The following ELP3 variants were observed in gnomAD, a reference collection of about 807,000 sequenced individuals.
ELP3 encodes the protein elongator acetyltransferase complex subunit 3.
In ELP3, 56 loss-of-function variants were observed where a neutral mutation model predicts 74.9. The observed-to-expected ratio is 0.75, with a 90% CI of 0.60 to 0.93. The LOEUF is 0.93. Among genes scored for constraint, ELP3 ranks in the 40% least tolerant of loss-of-function variants. The pLI is 0.00. For missense variants in ELP3, 573 were observed against 686.5 expected (o/e 0.83, Z 1.85); for synonymous variants, 222 against 239.8 (o/e 0.93, Z 0.68).
At chr8:28,092,430 T>C (rs1811078432), upstream of ELP3, among the ~76,000 whole-genome samples, 1 of 152,218 alleles carries the variant, frequency 6.6e-6, no homozygotes, top group Admixed American at 6.5e-5. Flanking sequence ...GGTTTCACCA[T>C]GTTGACCAGG....
chr8:28,139,694 C>A (rs546759536), intron 10 of ELP3, among the ~76,000 whole-genome samples: 31 of 152,282 alleles, frequency 2.0e-4, no homozygotes, highest in Non-Finnish European at 2.8e-4. Flanking sequence ...CCTGCAATCC[C>A]AGCATTTTGG....
intron 10 of ELP3, among the ~76,000 whole-genome samples, chr8:28,150,275 G>T (rs1489876898): frequency 6.6e-6 from 1 of 152,084 alleles, no homozygotes; most frequent in Non-Finnish European, 1.5e-5. Flanking sequence ...AAAAGGAAAG[G>T]TTTTATTTTA....
At chr8:28,162,334 T>G (rs1167342666) in intron 14 of ELP3, among the ~76,000 whole-genome samples, 1 of 152,226 alleles carries the variant, frequency 6.6e-6, no homozygotes, top group Non-Finnish European at 1.5e-5. Context: ...CTGGTCAGCA[T>G]GGTCGCCTCC....
intron 10 of ELP3, among the ~76,000 whole-genome samples, chr8:28,141,696 C>T (rs767860482): frequency 1.3e-5 from 2 of 152,180 alleles, no homozygotes; most frequent in Non-Finnish European, 2.9e-5. Flanking sequence ...TTGTACTGCA[C>T]TTGGGACTTT....
intron 8 of ELP3, among the ~76,000 whole-genome samples, chr8:28,130,594 TA>T (rs1251110691): frequency 2.0e-5 from 3 of 152,156 alleles, no homozygotes. Flanking sequence ...AGGATGCTCT[TA>T]TGTGGGAAAA....
chr8:28,163,983 T>C (rs1020931075), intron 14 of ELP3, among the ~76,000 whole-genome samples: 2 of 152,222 alleles, frequency 1.3e-5, no homozygotes, highest in Non-Finnish European at 2.9e-5. Flanking sequence ...CTCTTTTCAG[T>C]CACTGAGATA....
At chr8:28,109,325 T>C (rs1471618837) in intron 5 of ELP3, among the ~76,000 whole-genome samples, 2 of 152,192 alleles carry the variant, frequency 1.3e-5, no homozygotes, top group Non-Finnish European at 2.9e-5. Context: ...TTTTTTCTCA[T>C]ATCTGTTTTC....
upstream of ELP3, chr8:28,090,237 T>C: frequency 3.7e-6 from 1 of 272,048 alleles, no homozygotes; most frequent in Non-Finnish European, 7.1e-6. Flanking sequence ...CAGCCGAAGC[T>C]TCAGGAGACC....
At chr8:28,106,539 CAAAAAAAAA>C (rs61714722) in intron 3 of ELP3, among the ~76,000 whole-genome samples, 165 bp from the exon 4 acceptor site, 1 of 112,698 alleles carries the variant, frequency 8.9e-6, no homozygotes, top group African/African-American at 3.0e-5. Context: ...GACTCCGTCT[CAAAAAAAAA>C]AAAAAAAAAA....
At chr8:28,144,929 C>G (rs1440388453) in intron 10 of ELP3, among the ~76,000 whole-genome samples, 1 of 152,054 alleles carries the variant, frequency 6.6e-6, no homozygotes, top group African/African-American at 2.4e-5. Context: ...ATAATCCCAG[C>G]TACTTGGGAG....
chr8:28,122,166 C>A (rs1254226266), intron 7 of ELP3, among the ~76,000 whole-genome samples: 1 of 152,094 alleles, frequency 6.6e-6, no homozygotes, highest in African/African-American at 2.4e-5. Context: ...ATATCATCAT[C>A]TTTACATATT....
At chr8:28,136,025 G>T (rs1206616846) in intron 9 of ELP3, among the ~76,000 whole-genome samples, 1 of 149,332 alleles carries the variant, frequency 6.7e-6, no homozygotes, top group East Asian at 2.0e-4. Flanking sequence ...GCAGTGGCAC[G>T]ATCTTGGCTC....
At chr8:28,151,595 C>A (rs538571887) in intron 10 of ELP3, among the ~76,000 whole-genome samples, 2 of 152,128 alleles carry the variant, frequency 1.3e-5, no homozygotes, top group Admixed American at 6.5e-5. Context: ...GAGAAGTGTT[C>A]GCTAGTCCTG....
At chr8:28,127,450 C>T (rs934900997) in intron 7 of ELP3, among the ~76,000 whole-genome samples, 19 of 152,052 alleles carry the variant, frequency 1.2e-4, no homozygotes, top group African/African-American at 3.9e-4. Flanking sequence ...CTTTTAAAAA[C>T]GTCATTTAGA....
chr8:28,156,661 G>A (rs935984061), intron 11 of ELP3, among the ~76,000 whole-genome samples: 11 of 152,276 alleles, frequency 7.2e-5, no homozygotes, highest in Middle Eastern at 3.4e-3. Flanking sequence ...ACCAAGGGCC[G>A]ACTCCTGGGC....
At chr8:28,114,695 A>G (rs1000952033) in intron 7 of ELP3, among the ~76,000 whole-genome samples, 4 of 152,232 alleles carry the variant, frequency 2.6e-5, no homozygotes, top group Non-Finnish European at 5.9e-5. Flanking sequence ...TGGAGGGGAC[A>G]AACACCCAAA....
At chr8:28,187,641 T>G (rs1006135443) in intron 14 of ELP3, among the ~76,000 whole-genome samples, 1 of 152,216 alleles carries the variant, frequency 6.6e-6, no homozygotes, top group Non-Finnish European at 1.5e-5. Flanking sequence ...CCTCAGGCCT[T>G]TCTCTTTCAT....
rs752262244 is a variant in ELP3, at chr8:28,161,980, A to G, written c.1486-17A>G. ...CCTTCCTTTTTAATTCCCACTCCCC[A>G]TTGTTGCTCCGTGCAGGGATTTGGC... On this transcript the variant is annotated splice_polypyrimidine_tract_variant and intron_variant, in intron 13 of 14. Coordinates refer to ENST00000256398, the MANE Select transcript of ELP3 (RefSeq NM_018091.6). 11 of 1,613,420 alleles carry G rather than the reference A, an allele frequency of 6.8e-6. No individual in the cohort carries two copies. In the Middle Eastern group the frequency reaches 4.9e-4, roughly 72 times the overall value.
chr8:28,118,692 C>T (rs535991147), intron 7 of ELP3, among the ~76,000 whole-genome samples: 2 of 152,264 alleles, frequency 1.3e-5, no homozygotes, highest in African/African-American at 4.8e-5. Flanking sequence ...CTCCAACAAC[C>T]TTTTAAAATA....
Sources: allele counts gnomAD v4.1 joint callset (sites outside exome capture counted in the v4.1 genomes callset), GRCh38; gene constraint gnomAD v4.1.1; transcripts MANE v1.5; gene names NCBI Gene and HGNC (gene_info 2026-07-23, HGNC 2026-07-21).